The following PSMD5 variants were observed in gnomAD, a reference collection of about 807,000 sequenced individuals.
PSMD5 encodes proteasome 26S subunit, non-ATPase 5.
A neutral mutation model predicts 52.1 loss-of-function variants in PSMD5; 40 were observed. The ratio of observed to expected loss-of-function variants is 0.77; its 90% CI spans 0.60 to 1.00. PSMD5 has a LOEUF of 1.00. Ranked by LOEUF, PSMD5 falls within the 50% of genes least tolerant of loss-of-function variation. PSMD5 has a pLI of 0.00. For synonymous variants in PSMD5, 211 were observed against 226.6 expected, an observed-to-expected ratio of 0.93 and a Z score of 0.62; for missense variants, 575 against 605.2, an observed-to-expected ratio of 0.95 and a Z score of 0.52.
At chr9:120,836,085 A>C (rs2045196162) in intron 1 of PSMD5, among the ~76,000 whole-genome samples, 1 of 152,220 alleles carries the variant, frequency 6.6e-6, no homozygotes, top group East Asian at 1.9e-4. Flanking sequence ...GTATGTAAGT[A>C]AAAGCATACA....
chr9:120,823,736 C>T (rs1564474570), intron 7 of PSMD5, among the ~76,000 whole-genome samples: 1 of 151,916 alleles, frequency 6.6e-6, no homozygotes, highest in African/African-American at 2.4e-5. Context: ...TGGTCTTGAA[C>T]TCCTGAGCTC....
At chr9:120,818,408 T>A (rs576061852) in intron 9 of PSMD5, among the ~76,000 whole-genome samples, 63 of 152,312 alleles carry the variant, frequency 4.1e-4, no homozygotes, top group African/African-American at 1.5e-3. Context: ...GGAGAATGGT[T>A]AAGTAAATTA....
At chr9:120,837,184 C>A (rs956638680) in intron 1 of PSMD5, among the ~76,000 whole-genome samples, 1 of 151,862 alleles carries the variant, frequency 6.6e-6, no homozygotes, top group African/African-American at 2.4e-5. Context: ...CCACCGCGCC[C>A]AGCCAATTTT....
chr9:120,827,461 C>A (rs2045130412), intron 5 of PSMD5, among the ~76,000 whole-genome samples: 1 of 152,150 alleles, frequency 6.6e-6, no homozygotes, highest in African/African-American at 2.4e-5. Context: ...AACAATAATT[C>A]TTTGGTATCA....
Position 120,831,243 on chromosome 9 carries a change from T to C in PSMD5, c.561+88A>G. 2 of 1,375,320 alleles carry C rather than the reference T, an allele frequency of 1.5e-6. 1 individual carries two copies. The highest frequency in any genetic ancestry group is 3.0e-5 in the South Asian group (2 of 66,768). The allele number at this position is 1,375,320 out of a possible 1,614,324, so 85.2% of individuals were successfully genotyped here. A position where few individuals can be genotyped will look rare whatever the true frequency, so the allele number is the denominator to read the frequency against. On this transcript the variant is annotated intron_variant, in intron 4 of 9. Transcript: ENST00000210313. Reference sequence around the variant, plus strand: ...ACCTACTGTAGGGCCAAACACAGATTATATACTTAATGAGCCATCTTGCTT... The same window carrying C: ...ACCTACTGTAGGGCCAAACACAGATCATATACTTAATGAGCCATCTTGCTT...
chr9:120,831,275 A>G, intron 4 of PSMD5, 56 bp downstream of exon 4: 1 of 1,512,800 alleles, frequency 6.6e-7, no homozygotes, highest in South Asian at 1.3e-5. Flanking sequence ...GCTTTTCAGC[A>G]TAAGCCAAAC....
Position 120,833,873 on chromosome 9 carries a change from A to G in PSMD5, c.174-417T>C, listed in dbSNP as rs1382829676. Among the ~76,000 whole-genome samples, 3 of 148,230 alleles carry G rather than the reference A, an allele frequency of 2.0e-5. No individual in the cohort carries two copies. In the Admixed American group the frequency reaches 2.0e-4, roughly 10 times the overall value. On this transcript the variant is annotated intron_variant, in intron 1 of 9. Coordinates refer to ENST00000210313, the MANE Select transcript of PSMD5 (RefSeq NM_005047.4). ...TTTGTATTTTTAGAGACGAGGTTTCACCATGTTGGCCAGGCTGGTCTCGAA... is the reference window on the plus strand; with the variant it reads ...TTTGTATTTTTAGAGACGAGGTTTCGCCATGTTGGCCAGGCTGGTCTCGAA...
rs1276446097 is a variant in PSMD5 at position 120,817,548 on chromosome 9, G to C, written c.*358C>G. On this transcript the variant is annotated 3_prime_UTR_variant, in exon 10 of 10. Coordinates refer to ENST00000210313, the MANE Select transcript of PSMD5 (RefSeq NM_005047.4). ...GCCTCCCAAAGTGCTGGGAATTATA[G>C]GTGTTAGCCACCGCGCCCAGCCCTG... 5.4e-6 allele frequency: 1 copy of C among 185,356 alleles called. No homozygotes were observed. The highest frequency in any genetic ancestry group is 1.3e-4 in the East Asian group (1 of 7,460). The allele number at this position is 185,356 out of a possible 1,614,324, so 11.5% of individuals were successfully genotyped here.
At chr9:120,841,890 G>C (rs1411257656) in intron 1 of PSMD5, 1 of 152,116 alleles carries the variant, frequency 6.6e-6, no homozygotes, top group Non-Finnish European at 1.5e-5. Flanking sequence ...TTCCCTAGCA[G>C]GCTTGACCAT....
chr9:120,826,531 C>G, intron 6 of PSMD5: 1 of 467,442 alleles, frequency 2.1e-6, no homozygotes. Flanking sequence ...ATGCTGAACC[C>G]TCCCTGCATC....
At chr9:120,819,975 G>A (rs1285930926) in intron 9 of PSMD5, among the ~76,000 whole-genome samples, 1 of 152,076 alleles carries the variant, frequency 6.6e-6, no homozygotes, top group Non-Finnish European at 1.5e-5. Flanking sequence ...CATGTATGCT[G>A]TCTGAGATCC....
chr9:120,831,512 A>T, intron 3 of PSMD5, 53 bp from the exon 4 acceptor site: 1 of 1,533,264 alleles, frequency 6.5e-7, no homozygotes, highest in Non-Finnish European at 8.8e-7. Flanking sequence ...GTTATTATCT[A>T]CTTCATAAGA....
chr9:120,826,691 C>T (rs1394387652), intron 6 of PSMD5, 74 bp downstream of exon 6: 10 of 1,511,888 alleles, frequency 6.6e-6, no homozygotes, highest in Non-Finnish European at 9.0e-6. Context: ...CTCCCTACCC[C>T]AACCCCCTGA....
chr9:120,842,917 C>A lies in PSMD5; in HGVS notation c.-8G>T, dbSNP rs1451592772. ...CAAAGCCTGGGCTGCCATCTTGCCC[C>A]CCGACGCAGGGGCTGGCCCAGCGGC... is the stretch of plus-strand genomic sequence containing the variant. On this transcript the variant is annotated 5_prime_UTR_variant, in exon 1 of 10. Transcript: ENST00000210313. 6.4e-7 allele frequency: 1 copy of A among 1,573,074 alleles called. No homozygotes were observed. Among genetic ancestry groups the A allele is most frequent in the African/African-American group, 1.3e-5 (1 of 74,206 alleles).
In PSMD5 at chr9:120,829,122, C is replaced by G; in HGVS notation, c.648G>C (p.Leu216=). Residue 216 remains leucine, a synonymous_variant, in exon 5 of 10, where the codon CTG becomes CTC. Coordinates refer to ENST00000210313, the MANE Select transcript of PSMD5 (RefSeq NM_005047.4). ...SGLVTQLLRE[L]TGEDVLVRAT... ...ACCTGACCAACACATCCTCACCAGTCAGCTCTCTCAGGAGCTGGGTTACCA... is the reference window on the plus strand; with the variant it reads ...ACCTGACCAACACATCCTCACCAGTGAGCTCTCTCAGGAGCTGGGTTACCA... 6.2e-7 allele frequency: 1 copy of G among 1,602,808 alleles called. No individual in the cohort carries two copies. The highest frequency in any genetic ancestry group is 1.1e-5 in the South Asian group (1 of 88,890).
chr9:120,840,448 A>T (rs1342348788), intron 1 of PSMD5, among the ~76,000 whole-genome samples: 2 of 148,310 alleles, frequency 1.3e-5, no homozygotes, highest in African/African-American at 5.0e-5. Context: ...TTATTATTAT[A>T]TTATTATTAT....
chr9:120,823,662 G>A (rs1298745429), intron 7 of PSMD5, among the ~76,000 whole-genome samples: 1 of 151,794 alleles, frequency 6.6e-6, no homozygotes, highest in African/African-American at 2.4e-5. Flanking sequence ...CAGTTGTGCA[G>A]TACCATGCCT....
In PSMD5 at chr9:120,836,397, C is replaced by CT. The variant is rs34125901; in HGVS notation, c.174-2942dup. Among the ~76,000 whole-genome samples, 419 of 135,912 alleles carry CT rather than the reference C, an allele frequency of 3.1e-3. 4 individuals are homozygous for CT. Among genetic ancestry groups the CT allele is most frequent in the Admixed American group, 4.3e-3 (57 of 13,402 alleles). 89.2% of individuals were successfully genotyped at this position (135,912 alleles called of 152,430 possible). A position where few individuals can be genotyped will look rare whatever the true frequency, so the allele number is the denominator to read the frequency against. On this transcript the variant is annotated intron_variant, in intron 1 of 9. Transcript: ENST00000210313. ...TCTACGTGCATATTTATCATCTGTA[C>CT]TTTTTTTTTTTTTTTTTGAGATGGA...
At chr9:120,841,823 T>A (rs1465867865) in intron 1 of PSMD5, 1 of 152,200 alleles carries the variant, frequency 6.6e-6, no homozygotes, top group Non-Finnish European at 1.5e-5. Context: ...TTTCTTTCTC[T>A]GTCCTGATGG....
Sources: gnomAD v4.1 joint callset for allele counts (sites outside exome capture counted in the v4.1 genomes callset) on GRCh38, gnomAD v4.1.1 for gene constraint, MANE v1.5 for transcripts, NCBI Gene and HGNC (gene_info 2026-07-23, HGNC 2026-07-21) for gene names.